SEPTIN9: variants seen among roughly 807,000 people sequenced by gnomAD.
SEPTIN9 encodes septin 9, also known as septin-9.
In SEPTIN9, 13 loss-of-function variants were observed where a neutral mutation model predicts 56.6. That is an observed-to-expected ratio of 0.23 (90% CI 0.15 to 0.37). The LOEUF (loss-of-function observed/expected upper bound fraction) is 0.37. SEPTIN9 is among the 10% of genes least tolerant of loss of function. The probability of loss-of-function intolerance (pLI) is 1.00; values close to 1 mark genes in which losing one functional copy is unlikely to be tolerated. For missense variants in SEPTIN9, 650 were observed against 823.1 expected, an observed-to-expected ratio of 0.79 and a Z score of 2.57; for synonymous variants, 332 against 334.1, an observed-to-expected ratio of 0.99 and a Z score of 0.07.
chr17:77,498,669 G>GCCCCCCCCCCC lies in SEPTIN9; in HGVS notation c.*14_*15insCCCCCCCCCCC. 6.5e-7 allele frequency: 1 copy of GCCCCCCCCCCC among 1,550,296 alleles called. No individual in the cohort carries two copies. ...GCCCCGGAGATGTAGACGCCACCCT[G>GCCCCCCCCCCC]CCCACCCCCGGGATCCTGCCCCCAA... On this transcript the variant is annotated 3_prime_UTR_variant, in exon 12 of 12. Transcript: ENST00000427177.
intron 3 of SEPTIN9, among the ~76,000 whole-genome samples, chr17:77,430,465 C>G (rs556754788): frequency 1.3e-5 from 2 of 152,282 alleles, no homozygotes; most frequent in African/African-American, 2.4e-5. Context: ...CCCACATGCT[C>G]CCTACAGCCA....
intron 2 of SEPTIN9, among the ~76,000 whole-genome samples, chr17:77,349,887 G>A (rs1250563050): frequency 2.6e-5 from 4 of 152,218 alleles, no homozygotes; most frequent in East Asian, 1.9e-4. Context: ...GCTCCTGCCC[G>A]TGGCCCTCAG....
At chr17:77,408,687 G>A (rs1192535771) in intron 3 of SEPTIN9, among the ~76,000 whole-genome samples, 2 of 151,230 alleles carry the variant, frequency 1.3e-5, no homozygotes, top group Non-Finnish European at 2.9e-5. Flanking sequence ...TGGGGAGGGC[G>A]GGCATCAGCC....
chr17:77,310,097 GCCT>G lies in SEPTIN9; in HGVS notation c.76+2905_76+2907del, dbSNP rs927950143. ...GGGTTCAAGCGATTCTTCTGCCTCAGCCTCCTCAGTAGCCAGGATTACAGGCAC... is the reference window on the plus strand; with the variant it reads ...GGGTTCAAGCGATTCTTCTGCCTCAGCCTCAGTAGCCAGGATTACAGGCAC... On this transcript the variant is annotated intron_variant, in intron 2 of 11. Transcript: ENST00000427177. The surrounding 1 kb of genome is among the most constrained non-coding windows in gnomAD (Gnocchi z 4.7). Among the ~76,000 whole-genome samples the G allele has an allele frequency of 1.3e-5, 2 of 152,032 alleles. No individual in the cohort carries two copies. The highest frequency in any genetic ancestry group is 2.9e-5 in the Non-Finnish European group (2 of 68,008).
chr17:77,442,572 G>A (rs1243448890), intron 3 of SEPTIN9, among the ~76,000 whole-genome samples: 1 of 151,636 alleles, frequency 6.6e-6, no homozygotes, highest in East Asian at 1.9e-4. Context: ...AAAAGGAAGG[G>A]GTGAAAGCAC....
intron 2 of SEPTIN9, among the ~76,000 whole-genome samples, chr17:77,383,622 C>T (rs1181154829): frequency 6.6e-6 from 1 of 152,240 alleles, no homozygotes; most frequent in Non-Finnish European, 1.5e-5. Flanking sequence ...CCTGGCTGCT[C>T]TTCCACTCAA....
intron 3 of SEPTIN9, among the ~76,000 whole-genome samples, chr17:77,441,609 G>C (rs1359946488): frequency 6.6e-6 from 1 of 152,226 alleles, no homozygotes; most frequent in Non-Finnish European, 1.5e-5. Flanking sequence ...GAGCTTCAGG[G>C]TGGCTACCGC....
intron 3 of SEPTIN9, among the ~76,000 whole-genome samples, chr17:77,467,145 A>T (rs1303155125): frequency 1.3e-5 from 2 of 152,228 alleles, no homozygotes; most frequent in African/African-American, 4.8e-5. Context: ...GCTGGGACCA[A>T]GTCATCCTTG....
intron 2 of SEPTIN9, among the ~76,000 whole-genome samples, chr17:77,321,007 C>G (rs1037361665): frequency 6.6e-6 from 1 of 152,256 alleles, no homozygotes; most frequent in Non-Finnish European, 1.5e-5. Context: ...TAGTTCACCC[C>G]AGCTTTCCAG....
At position 77,389,273 on chromosome 17, in the gene SEPTIN9, C is replaced by T. The variant is rs896205317; in HGVS notation, c.77-12786C>T. Among the ~76,000 whole-genome samples the T allele has an allele frequency of 6.6e-6, 1 of 151,954 alleles. No individual in the cohort carries two copies. The highest frequency in any genetic ancestry group is 1.5e-5 in the Non-Finnish European group (1 of 67,966). ...CGGAAGTAGAGGGGAAGGAGGGGCA[C>T]GCGGTAGGCTGAGGAGGTGGCTGGC... On this transcript the variant is annotated intron_variant, in intron 2 of 11. Coordinates refer to ENST00000427177, the MANE Select transcript of SEPTIN9 (RefSeq NM_001113491.2). This position sits in a 1 kb window ranked among gnomAD's most constrained non-coding sequence, Gnocchi z 4.3.
Position 77,485,248 on chromosome 17 carries a change from ATGG to A in SEPTIN9, c.914-2170_914-2168del, listed in dbSNP as rs139840729. Among the ~76,000 whole-genome samples the A allele has an allele frequency of 3.2e-3, 126 of 39,012 alleles. No individual in the cohort carries two copies. In the Middle Eastern group the frequency reaches 0.065, roughly 20 times the overall value. 25.6% of individuals were successfully genotyped at this position (39,012 alleles called of 152,430 possible). A position where few individuals can be genotyped will look rare whatever the true frequency, so the allele number is the denominator to read the frequency against. On this transcript the variant is annotated intron_variant, in intron 4 of 11. Coordinates refer to ENST00000427177, the MANE Select transcript of SEPTIN9 (RefSeq NM_001113491.2). ...GAAGGGGGTGATGGTGGTGATTGTG[ATGG>A]TGGTGATTGTGATGGTGATGTGGGT... is the stretch of plus-strand genomic sequence containing the variant.
rs2037272246 is a variant in SEPTIN9 at position 77,434,617 on chromosome 17, A to G, written c.721+31914A>G. Among the ~76,000 whole-genome samples, 1 of 152,136 alleles carries G rather than the reference A, an allele frequency of 6.6e-6. No homozygotes were observed. Among genetic ancestry groups the G allele is most frequent in the South Asian group, 2.1e-4 (1 of 4,822 alleles). Reference sequence around the variant, plus strand: ...TTGAAGGTGCCCTGGCAGGACCTGCACCATGACCCCCGTCAAAGCTCACGT... The same window carrying G: ...TTGAAGGTGCCCTGGCAGGACCTGCGCCATGACCCCCGTCAAAGCTCACGT... On this transcript the variant is annotated intron_variant, in intron 3 of 11. Transcript: ENST00000427177. This position sits in a 1 kb window ranked among gnomAD's most constrained non-coding sequence, Gnocchi z 5.0.
chr17:77,321,339 T>C (rs1349934554), intron 2 of SEPTIN9, among the ~76,000 whole-genome samples: 2 of 151,476 alleles, frequency 1.3e-5, no homozygotes, highest in African/African-American at 4.9e-5. Context: ...GGGAGGCCCA[T>C]CTCGGTGGCT....
At chr17:77,479,282 C>G (rs1456771267) in intron 3 of SEPTIN9, among the ~76,000 whole-genome samples, 1 of 152,238 alleles carries the variant, frequency 6.6e-6, no homozygotes, top group Admixed American at 6.5e-5. Context: ...TTCCAGCTGT[C>G]TGAGCACCAT....
chr17:77,305,647 A>G lies in SEPTIN9; in HGVS notation c.20-1494A>G, dbSNP rs151103494. 5.7e-4 allele frequency among the ~76,000 whole-genome samples: 87 copies of G among 151,932 alleles called. 1 individual carries two copies. In the East Asian group the frequency reaches 7.8e-3, roughly 14 times the overall value. The stretch of plus-strand genomic sequence containing the variant: ...TCCAGCACCAGAGAAGCTCAGGCTT[A>G]GTAGAGATGGGTACCCTGTCAATAC... On this transcript the variant is annotated intron_variant, in intron 1 of 11. Transcript: ENST00000427177.
intron 2 of SEPTIN9, among the ~76,000 whole-genome samples, chr17:77,337,711 C>G (rs1313179891): frequency 6.6e-6 from 1 of 152,074 alleles, no homozygotes; most frequent in Non-Finnish European, 1.5e-5. Flanking sequence ...GGTTTTTTTA[C>G]TTCCCCTTGT....
rs933116624 is a variant in SEPTIN9 at position 77,425,286 on chromosome 17, C to T, written c.721+22583C>T. Among the ~76,000 whole-genome samples the T allele has an allele frequency of 2.0e-5, 3 of 152,210 alleles. No homozygotes were observed. The highest frequency in any genetic ancestry group is 4.4e-5 in the Non-Finnish European group (3 of 68,038). ...CACAGGAAGCCGGGCCAGCGGCCTC[C>T]GGAAGCCTCTGGGCTTTGCAAGCTG... is the stretch of plus-strand genomic sequence containing the variant. On this transcript the variant is annotated intron_variant, in intron 3 of 11. Transcript: ENST00000427177. The surrounding 1 kb of genome is among the most constrained non-coding windows in gnomAD (Gnocchi z 4.2).
Position 77,499,439 on chromosome 17 carries a change from A to T in SEPTIN9, c.*781A>T. 1.9e-6 allele frequency: 1 copy of T among 536,402 alleles called. No homozygotes were observed. The highest frequency in any genetic ancestry group is 3.6e-6 in the Non-Finnish European group (1 of 276,292). The allele number at this position is 536,402 out of a possible 1,614,324, so 33.2% of individuals were successfully genotyped here. On this transcript the variant is annotated 3_prime_UTR_variant, in exon 12 of 12. Transcript: ENST00000427177. ...CTGATGCGCTGGGATCTGATTGAGG[A>T]TAAAAAGGAAGGAGAGATGACCCCT...
Position 77,475,298 on chromosome 17 carries a change from G to C in SEPTIN9, c.722-6846G>C. The C allele has an allele frequency of 7.0e-7, 1 of 1,419,172 alleles. No individual in the cohort carries two copies. Among genetic ancestry groups the C allele is most frequent in the South Asian group, 1.6e-5 (1 of 63,954 alleles). 87.9% of individuals were successfully genotyped at this position (1,419,172 alleles called of 1,614,324 possible). A position where few individuals can be genotyped will look rare whatever the true frequency, so the allele number is the denominator to read the frequency against. ...CAGAGAGCAGGCTCTGTGTGGGAGC[G>C]GGGAGGGCAAGCCCTGGTTGCGAGG... On this transcript the variant is annotated intron_variant, in intron 3 of 11. Transcript: ENST00000427177. This position sits in a 1 kb window ranked among gnomAD's most constrained non-coding sequence, Gnocchi z 4.6.
Sources: allele counts gnomAD v4.1 joint callset (sites outside exome capture counted in the v4.1 genomes callset), GRCh38; gene constraint gnomAD v4.1.1; non-coding constraint Gnocchi (gnomAD v3.1); transcripts MANE v1.5; gene names NCBI Gene and HGNC (gene_info 2026-07-23, HGNC 2026-07-21).